Variants in ARHGAP39 observed in about 807,000 individuals in gnomAD.
ARHGAP39 encodes rho GTPase-activating protein 39.
ARHGAP39 carries 44 observed loss-of-function variants against 106.9 expected under a neutral mutation model. The observed-to-expected ratio is 0.41, with a 90% confidence interval of 0.32 to 0.53. ARHGAP39 has a LOEUF of 0.53. ARHGAP39 is among the 20% of genes least tolerant of loss of function. The pLI is 0.21. For synonymous variants in ARHGAP39, 768 were observed against 693.2 expected (o/e 1.11, Z -1.69); for missense variants, 1,496 against 1,577.3 (o/e 0.95, Z 0.87).
chr8:144,632,560 T>C (rs1314990011), intron 1 of ARHGAP39, among the ~76,000 whole-genome samples: 1 of 152,236 alleles, frequency 6.6e-6, no homozygotes, highest in African/African-American at 2.4e-5. Flanking sequence ...GGTCTGGGCC[T>C]GGGCCGTCAG....
chr8:144,628,053 G>A (rs1215129688), intron 1 of ARHGAP39, among the ~76,000 whole-genome samples: 1 of 152,230 alleles, frequency 6.6e-6, no homozygotes, highest in African/African-American at 2.4e-5. Flanking sequence ...TGCACCTGCG[G>A]GAGAGCCATG....
intron 1 of ARHGAP39, among the ~76,000 whole-genome samples, chr8:144,659,073 A>G (rs1425885004): frequency 6.6e-6 from 1 of 152,008 alleles, no homozygotes; most frequent in Non-Finnish European, 1.5e-5. Flanking sequence ...CTGTTCACTC[A>G]CTCCACAGGT....
At chr8:144,675,019 C>T (rs1822196207) in intron 1 of ARHGAP39, among the ~76,000 whole-genome samples, 1 of 152,090 alleles carries the variant, frequency 6.6e-6, no homozygotes, top group Admixed American at 6.5e-5. Context: ...GGGTCCATAG[C>T]CACAGCTAGG....
At chr8:144,699,683 T>G in the ARHGAP39 span, among the ~76,000 whole-genome samples, 1 of 148,448 alleles carries the variant, frequency 6.7e-6, no homozygotes, top group South Asian at 2.1e-4. Flanking sequence ...CTGCGGACCA[T>G]GCGGGGCTGG....
intron 2 of ARHGAP39, 150 bp downstream of exon 2, chr8:144,605,385 T>C (rs1329161363): frequency 2.6e-6 from 2 of 767,698 alleles, no homozygotes; most frequent in Admixed American, 2.2e-5. Context: ...TGTGCACAGG[T>C]GGCATCGGCC....
At position 144,529,239 on chromosome 8, in the gene ARHGAP39, G is replaced by C. The variant is rs1641086124; in HGVS notation, c.*1183C>G. The C allele has an allele frequency of 4.1e-6, 1 of 245,658 alleles. No homozygotes were observed. The highest frequency in any genetic ancestry group is 5.7e-5 in the Admixed American group (1 of 17,540). The allele number at this position is 245,658 out of a possible 1,614,324, so 15.2% of individuals were successfully genotyped here. A position where few individuals can be genotyped will look rare whatever the true frequency, so the allele number is the denominator to read the frequency against. On this transcript the variant is annotated 3_prime_UTR_variant, in exon 12 of 12. Coordinates refer to ENST00000377307, the MANE Select transcript of ARHGAP39 (RefSeq NM_025251.3). The stretch of plus-strand genomic sequence containing the variant: ...GCCTCTCGGGTCCATGCGTCGGGGC[G>C]AGCGTCTCAGCCGGGCGGGACCGCA...
chr8:144,600,691 CGT>C (rs1563697931), intron 2 of ARHGAP39, among the ~76,000 whole-genome samples: 1 of 137,794 alleles, frequency 7.3e-6, no homozygotes, highest in African/African-American at 2.8e-5. Context: ...TGTGCGTGTG[CGT>C]GGAGACGTGC....
intron 6 of ARHGAP39, among the ~76,000 whole-genome samples, chr8:144,543,622 G>A (rs191767117): frequency 3.9e-5 from 6 of 152,290 alleles, no homozygotes; most frequent in Non-Finnish European, 5.9e-5. Flanking sequence ...CTGAAGCCAC[G>A]GCCGCCCAGG....
At chr8:144,561,582 TCGG>T (rs1818161500) in intron 3 of ARHGAP39, among the ~76,000 whole-genome samples, 1 of 124,536 alleles carries the variant, frequency 8.0e-6, no homozygotes, top group African/African-American at 2.8e-5. Context: ...GTGGTTTCCA[TCGG>T]ACCCCAGTGG....
chr8:144,692,197 C>G, the ARHGAP39 span, among the ~76,000 whole-genome samples: 1 of 152,086 alleles, frequency 6.6e-6, no homozygotes, highest in Non-Finnish European at 1.5e-5. Flanking sequence ...TTTCCCCCTC[C>G]CTCTCTCTGT....
chr8:144,673,216 CA>C (rs112112343), intron 1 of ARHGAP39, among the ~76,000 whole-genome samples: 74 of 141,172 alleles, frequency 5.2e-4, no homozygotes, highest in Admixed American at 3.5e-4. Flanking sequence ...GAACCTGTCT[CA>C]AAAAAAAAAA....
intron 3 of ARHGAP39, among the ~76,000 whole-genome samples, chr8:144,562,726 C>T (rs1291161847): frequency 1.3e-5 from 2 of 150,634 alleles, no homozygotes; most frequent in Middle Eastern, 3.2e-3. Context: ...GGACTCACTC[C>T]AGTGGTTTCC....
chr8:144,533,091 G>A, intron 9 of ARHGAP39, 35 bp downstream of exon 9: 1 of 1,584,924 alleles, frequency 6.3e-7, no homozygotes, highest in Non-Finnish European at 8.6e-7. Context: ...CATGGCTGTG[G>A]CCCCCACACC....
rs755091374 is a variant in ARHGAP39 at position 144,547,244 on chromosome 8, G to C, written c.1842C>G (p.Asn614Lys). The C allele has an allele frequency of 6.2e-7, 1 of 1,612,654 alleles. No individual in the cohort carries two copies. The highest frequency in any genetic ancestry group is 8.5e-7 in the Non-Finnish European group (1 of 1,179,814). The part of the protein sequence containing the change: ...SEDEALAQQE[N>K]RHWRRGTFEK... ...CGAAGGTGCCCCTCCTCCAGTGCCT[G>C]TTCTCCTGCTGGGCCAGCGCCTCGT... Residue 614 changes from asparagine (N) to lysine (K), a missense_variant, in exon 5 of 12, where the codon AAC becomes AAG. Physicochemically the swap from Asn to Lys is moderately conservative, Grantham distance 94 (BLOSUM62 0). Coordinates refer to ENST00000377307, the MANE Select transcript of ARHGAP39 (RefSeq NM_025251.3). The surrounding 1 kb of genome is among the most constrained non-coding windows in gnomAD (Gnocchi z 5.2).
At chr8:144,568,856 C>A (rs2130881166) in intron 3 of ARHGAP39, among the ~76,000 whole-genome samples, 1 of 151,254 alleles carries the variant, frequency 6.6e-6, no homozygotes, top group Non-Finnish European at 1.5e-5. Flanking sequence ...TTTTAAAATG[C>A]TCGATTAGTG....
chr8:144,665,159 T>C (rs1821930767), intron 1 of ARHGAP39, among the ~76,000 whole-genome samples: 1 of 152,194 alleles, frequency 6.6e-6, no homozygotes, highest in Non-Finnish European at 1.5e-5. Flanking sequence ...TGGCAGCATT[T>C]TGCCCCTGCC....
chr8:144,578,291 C>G (rs1018639210), intron 3 of ARHGAP39, among the ~76,000 whole-genome samples: 4 of 152,030 alleles, frequency 2.6e-5, no homozygotes, highest in Admixed American at 6.6e-5. Context: ...TACAGTGGTG[C>G]GATCTCGGCT....
chr8:144,673,160 T>C (rs1822143028), intron 1 of ARHGAP39, among the ~76,000 whole-genome samples: 1 of 151,312 alleles, frequency 6.6e-6, no homozygotes. Flanking sequence ...AAAGATACAG[T>C]GAGCAGATAT....
chr8:144,607,725 G>A (rs1277448301), intron 1 of ARHGAP39, among the ~76,000 whole-genome samples: 1 of 152,184 alleles, frequency 6.6e-6, no homozygotes, highest in Admixed American at 6.5e-5. Flanking sequence ...CAGATTGTGG[G>A]GCCACAAATC....
Sources: gnomAD v4.1 joint callset for allele counts (sites outside exome capture counted in the v4.1 genomes callset) on GRCh38, gnomAD v4.1.1 for gene constraint, Gnocchi (gnomAD v3.1) non-coding constraint, MANE v1.5 for transcripts, NCBI Gene and HGNC (gene_info 2026-07-23, HGNC 2026-07-21) for gene names.